Variants in TNIK observed in about 807,000 individuals in gnomAD.
The protein encoded by TNIK is TRAF2 and NCK interacting kinase.
A neutral mutation model predicts 191.3 loss-of-function variants in TNIK; 49 were observed. That is an observed-to-expected ratio of 0.26 (90% CI 0.20 to 0.32). The LOEUF is 0.32. Ranked by LOEUF, TNIK falls within the 10% of genes least tolerant of loss-of-function variation. The pLI, the probability that TNIK is intolerant of heterozygous loss-of-function variation, is 1.00. For missense variants in TNIK, 1,155 were observed against 1,702.3 expected (o/e 0.68, Z 5.66); for synonymous variants, 594 against 600.9 (o/e 0.99, Z 0.17).
Position 171,228,188 on chromosome 3 carries a change from T to C in TNIK, c.157A>G (p.Ile53Val). The C allele has an allele frequency of 6.2e-7, 1 of 1,613,690 alleles. No homozygotes were observed. Among genetic ancestry groups the C allele is most frequent in the Non-Finnish European group, 8.5e-7 (1 of 1,179,646 alleles). ...ACCCCTGTGACATCCATAACCTTGA[T>C]GGCTGCAAGCTGGCCCGTTTTGACA... ...RHVKTGQLAA[I>V]KVMDVTGDEE... Residue 53 changes from isoleucine to valine, a missense_variant, in exon 3 of 33, where the codon ATC becomes GTC. Physicochemically the swap from Ile to Val is conservative, Grantham distance 29. This residue lies in a region of TNIK where 225 missense variants were observed against 438.9 expected (regional missense o/e 0.51). Transcript: ENST00000436636.
intron 1 of TNIK, among the ~76,000 whole-genome samples, chr3:171,389,973 C>G (rs998059051): frequency 2.0e-5 from 3 of 152,142 alleles, no homozygotes; most frequent in Non-Finnish European, 2.9e-5. Flanking sequence ...CAAGAGGCAC[C>G]CTTCATATAC....
At chr3:171,214,557 A>G (rs562864982) in intron 3 of TNIK, among the ~76,000 whole-genome samples, 1 of 152,334 alleles carries the variant, frequency 6.6e-6, no homozygotes, top group Non-Finnish European at 1.5e-5. Context: ...ACTATTTCCA[A>G]ATCTTAAGTA....
At chr3:171,162,614 T>C (rs1314650402) in intron 10 of TNIK, among the ~76,000 whole-genome samples, 1 of 152,152 alleles carries the variant, frequency 6.6e-6, no homozygotes, top group African/African-American at 2.4e-5. Context: ...CCTTCATGAT[T>C]GTGAAGAAAG....
intron 2 of TNIK, among the ~76,000 whole-genome samples, chr3:171,315,146 AGC>A (rs1754466621): frequency 1.3e-5 from 2 of 152,170 alleles, no homozygotes; most frequent in Non-Finnish European, 2.9e-5. Context: ...CTGCTTTGAA[AGC>A]AGAAAGGGAA....
chr3:171,159,976 G>C lies in TNIK; in HGVS notation c.1016+1294C>G, dbSNP rs184099994. ...AGTTTAGCAAGTGTTAGAAAGACAGGGTTTCTCAGTTCTACAGAAAGTGGT... is the reference window on the plus strand; with the variant it reads ...AGTTTAGCAAGTGTTAGAAAGACAGCGTTTCTCAGTTCTACAGAAAGTGGT... On this transcript the variant is annotated intron_variant, in intron 11 of 32. Coordinates refer to ENST00000436636, the MANE Select transcript of TNIK (RefSeq NM_015028.4). The surrounding 1 kb of genome is among the most constrained non-coding windows in gnomAD (Gnocchi z 4.1). Among the ~76,000 whole-genome samples the C allele has an allele frequency of 2.0e-4, 31 of 152,274 alleles. No individual in the cohort carries two copies. Among genetic ancestry groups the C allele is most frequent in the African/African-American group, 7.2e-4 (30 of 41,572 alleles).
chr3:171,188,972 T>TG (rs1443427433), intron 6 of TNIK, 140 bp from the exon 7 acceptor site: 1 of 1,059,466 alleles, frequency 9.4e-7, no homozygotes, highest in Non-Finnish European at 1.3e-6. Flanking sequence ...TGTACATTTC[T>TG]GGGGCACTAA....
chr3:171,245,604 A>G (rs1481619224), intron 2 of TNIK, among the ~76,000 whole-genome samples: 1 of 152,048 alleles, frequency 6.6e-6, no homozygotes, highest in East Asian at 1.9e-4. Context: ...ATTTTGGTAT[A>G]ATCAAGGTGT....
At chr3:171,290,604 C>A (rs962618612) in intron 2 of TNIK, among the ~76,000 whole-genome samples, 1 of 152,136 alleles carries the variant, frequency 6.6e-6, no homozygotes, top group African/African-American at 2.4e-5. Context: ...ATATCATGGG[C>A]TACTTTTAAG....
At chr3:171,064,392 C>A (rs1046488624) in intron 32 of TNIK, among the ~76,000 whole-genome samples, 1 of 152,112 alleles carries the variant, frequency 6.6e-6, no homozygotes, top group African/African-American at 2.4e-5. Flanking sequence ...GAAGGGAATC[C>A]CTTCAAATTC....
intron 2 of TNIK, among the ~76,000 whole-genome samples, chr3:171,270,252 C>A (rs765654281): frequency 6.6e-6 from 1 of 152,048 alleles, no homozygotes; most frequent in East Asian, 1.9e-4. Flanking sequence ...ATGAGAATAC[C>A]CCCGTAGTAT....
chr3:171,231,325 T>TTG (rs1553863639), intron 2 of TNIK, among the ~76,000 whole-genome samples: 23 of 152,048 alleles, frequency 1.5e-4, no homozygotes, highest in African/African-American at 5.6e-4. Context: ...TTGTTTTTTT[T>TTG]TTTGTTTTTT....
intron 2 of TNIK, among the ~76,000 whole-genome samples, chr3:171,331,128 G>C (rs1483100019): frequency 2.0e-5 from 3 of 152,234 alleles, no homozygotes; most frequent in Non-Finnish European, 4.4e-5. Flanking sequence ...TGGGTGGGAA[G>C]CACTGGGGGT....
At chr3:171,445,814 T>G (rs1382970164) in intron 1 of TNIK, among the ~76,000 whole-genome samples, 1 of 152,244 alleles carries the variant, frequency 6.6e-6, no homozygotes. Flanking sequence ...TGGACATTAC[T>G]AAACCACAAT....
At chr3:171,367,061 A>G (rs1024753043) in intron 2 of TNIK, among the ~76,000 whole-genome samples, 1 of 152,222 alleles carries the variant, frequency 6.6e-6, no homozygotes, top group African/African-American at 2.4e-5. Flanking sequence ...ATTTCTTCAT[A>G]GCAGCGGGAG....
chr3:171,360,205 A>G (rs1714773872), intron 2 of TNIK, among the ~76,000 whole-genome samples: 2 of 152,080 alleles, frequency 1.3e-5, no homozygotes, highest in Admixed American at 1.3e-4. Context: ...ACCTGCTAAA[A>G]CCTTGCGGCT....
intron 22 of TNIK, among the ~76,000 whole-genome samples, chr3:171,094,335 A>G (rs1722450625): frequency 1.3e-5 from 2 of 152,170 alleles, no homozygotes; most frequent in Admixed American, 6.5e-5. Flanking sequence ...ACGGGGTTTC[A>G]ACATGTTAGC....
chr3:171,233,511 G>C (rs1015830054), intron 2 of TNIK, among the ~76,000 whole-genome samples: 3 of 152,022 alleles, frequency 2.0e-5, no homozygotes, highest in Admixed American at 6.6e-5. Context: ...CAAGATTCTC[G>C]AGTACAGACT....
chr3:171,145,986 T>A (rs1485218830), intron 12 of TNIK, among the ~76,000 whole-genome samples: 1 of 152,216 alleles, frequency 6.6e-6, no homozygotes, highest in East Asian at 1.9e-4. Context: ...CAGACATTAT[T>A]CATTGCACTA....
At chr3:171,184,984 A>G (rs1444532112) in intron 7 of TNIK, among the ~76,000 whole-genome samples, 1 of 152,116 alleles carries the variant, frequency 6.6e-6, no homozygotes, top group Non-Finnish European at 1.5e-5. Flanking sequence ...TCTGGTGGGG[A>G]GTGGGATAAG....
Sources: allele counts gnomAD v4.1 joint callset (sites outside exome capture counted in the v4.1 genomes callset), GRCh38; gene constraint gnomAD v4.1.1; regional missense constraint gnomAD v4.1.1; non-coding constraint Gnocchi (gnomAD v3.1); transcripts MANE v1.5; gene names NCBI Gene and HGNC (gene_info 2026-07-23, HGNC 2026-07-21).